The following DIAPH1 variants were observed in gnomAD, a reference collection of about 807,000 sequenced individuals.
DIAPH1 encodes protein diaphanous homolog 1.
A neutral mutation model predicts 140.7 loss-of-function variants in DIAPH1; 46 were observed. That is an observed-to-expected ratio of 0.33 (90% CI 0.26 to 0.42). The LOEUF is 0.42. Ranked by LOEUF, DIAPH1 falls within the 10% of genes least tolerant of loss-of-function variation. DIAPH1 has a pLI of 1.00. For synonymous variants in DIAPH1, 565 were observed against 551.6 expected (o/e 1.02, Z -0.34); for missense variants, 1,310 against 1,558.7 (o/e 0.84, Z 2.69).
Position 141,578,332 on chromosome 5 carries a change from C to T in DIAPH1, c.1056G>A (p.Glu352=). 1 of 1,613,514 alleles carries T rather than the reference C, an allele frequency of 6.2e-7. No homozygotes were observed. Among genetic ancestry groups the T allele is most frequent in the Non-Finnish European group, 8.5e-7 (1 of 1,179,428 alleles). The change falls in exon 11 of 28, where the codon GAG becomes GAA. Residue 352 remains glutamate, a synonymous_variant. Transcript: ENST00000389054. ...GLHQVLQDLR[E]IENEDMRVQL... ...GCACTCTCATATCTTCATTTTCAAT[C>T]TCTCGAAGGTCCTGTCAACAACAAA...
intron 8 of DIAPH1, 21 bp from the exon 9 acceptor site, chr5:141,579,217 G>A (rs755456570): frequency 1.2e-5 from 19 of 1,586,908 alleles, no homozygotes; most frequent in East Asian, 2.2e-5. Context: ...GAAAGGAAAC[G>A]GAGAGAACTT....
chr5:141,611,931 G>A (rs1351625769), intron 1 of DIAPH1, among the ~76,000 whole-genome samples: 2 of 152,148 alleles, frequency 1.3e-5, no homozygotes, highest in African/African-American at 4.8e-5. Flanking sequence ...GCTGGGTGTG[G>A]TGGCAGCCTC....
Position 141,582,359 on chromosome 5 carries a change from T to G in DIAPH1, c.637A>C (p.Asn213His). The change falls in exon 7 of 28, where the codon AAC becomes CAC. Residue 213 changes from asparagine (N) to histidine (H), a missense_variant. Physicochemically the swap from Asn to His is moderately conservative, Grantham distance 68. Coordinates refer to ENST00000389054, the MANE Select transcript of DIAPH1 (RefSeq NM_005219.5). ...EETAGSYDSR[N>H]KHEIIRCLKA... ...AAGCAGCGAATGATCTCATGCTTGT[T>G]CCGGCTATCGTAACTCCTGTATATA... is the stretch of plus-strand genomic sequence containing the variant. The G allele has an allele frequency of 6.2e-7, 1 of 1,613,684 alleles. No homozygotes were observed. Among genetic ancestry groups the G allele is most frequent in the Non-Finnish European group, 8.5e-7 (1 of 1,179,578 alleles).
intron 1 of DIAPH1, among the ~76,000 whole-genome samples, chr5:141,610,513 A>C (rs934865951): frequency 7.9e-5 from 12 of 151,998 alleles, no homozygotes; most frequent in Admixed American, 2.6e-4. Context: ...GTTGGCCAGG[A>C]TGGTCTCGAT....
intron 18 of DIAPH1, among the ~76,000 whole-genome samples, chr5:141,561,604 A>G (rs2099893551): frequency 1.3e-5 from 2 of 152,188 alleles, no homozygotes; most frequent in Non-Finnish European, 2.9e-5. Context: ...ATATAACCAC[A>G]TTATAGAAAA....
In DIAPH1 at chr5:141,516,777, GCC is replaced by G; in HGVS notation, c.*72_*73del. The G allele has an allele frequency of 6.3e-7, 1 of 1,575,728 alleles. No individual in the cohort carries two copies. The highest frequency in any genetic ancestry group is 1.1e-5 in the South Asian group (1 of 89,676). On this transcript the variant is annotated 3_prime_UTR_variant, in exon 28 of 28. Coordinates refer to ENST00000389054, the MANE Select transcript of DIAPH1 (RefSeq NM_005219.5). ...CCACCCCAGAGGAATATCCCCTTGA[GCC>G]TTTAGGCACATGCTGCAGGGCAGGA...
At chr5:141,618,703 C>G in intron 1 of DIAPH1, 95 bp downstream of exon 1, 1 of 836,900 alleles carries the variant, frequency 1.2e-6, no homozygotes, top group Non-Finnish European at 1.9e-6. Context: ...GCGGGGGCGG[C>G]TCCCCAAAGC....
intron 1 of DIAPH1, among the ~76,000 whole-genome samples, chr5:141,613,262 AT>A (rs1255633081): frequency 1.3e-5 from 2 of 152,206 alleles, no homozygotes; most frequent in African/African-American, 2.4e-5. Flanking sequence ...TTAAACAAAT[AT>A]TTAAAGGGCA....
At position 141,573,972 on chromosome 5, in the gene DIAPH1, G is replaced by A. The variant is rs1423486285; in HGVS notation, c.1878C>T (p.Cys626=). 1.9e-6 allele frequency: 3 copies of A among 1,548,414 alleles called. No individual in the cohort carries two copies. The South Asian group carries it at 3.6e-5, about 18-fold the overall frequency. The part of the protein sequence containing the change: ...PPPPPLPGGV[C]ISSPPSLPGG... ...CAGGTAAAGAAGGGGGTGAGGAGAT[G>A]CAAACACCCCCAGGCAAAGGAGGTG... Residue 626 remains cysteine, a synonymous_variant, in exon 16 of 28, where the codon TGC becomes TGT. Coordinates refer to ENST00000389054, the MANE Select transcript of DIAPH1 (RefSeq NM_005219.5).
At chr5:141,585,527 T>C (rs976341011) in intron 3 of DIAPH1, among the ~76,000 whole-genome samples, 3 of 151,860 alleles carry the variant, frequency 2.0e-5, no homozygotes, top group African/African-American at 7.3e-5. Context: ...GAAAAAGAGG[T>C]GCAGTGGCTC....
chr5:141,608,922 T>C (rs2154597281), intron 1 of DIAPH1, among the ~76,000 whole-genome samples: 1 of 152,328 alleles, frequency 6.6e-6, no homozygotes, highest in South Asian at 2.1e-4. Flanking sequence ...TGTAACATTG[T>C]TACCACTACT....
intron 1 of DIAPH1, among the ~76,000 whole-genome samples, chr5:141,612,213 TGAAAACAGTTTG>T (rs1276652619): frequency 1.3e-5 from 2 of 152,210 alleles, no homozygotes; most frequent in African/African-American, 2.4e-5. Context: ...GAATGTAAAA[TGAAAACAGTTTG>T]GAAAACAGTT....
In DIAPH1 at chr5:141,583,554, C is replaced by A. The variant is rs1415334924; in HGVS notation, c.464G>T (p.Gly155Val). The change falls in exon 5 of 28, where the codon GGC (glycine) becomes GTC (valine). Residue 155 changes from glycine to valine, a missense_variant. By Grantham distance (109) the Gly-to-Val change is moderately radical. Coordinates refer to ENST00000389054, the MANE Select transcript of DIAPH1 (RefSeq NM_005219.5). Reference protein sequence around the residue: ...AMMYIQELRSGLRDMPLLSCL... With the variant: ...AMMYIQELRSVLRDMPLLSCL... The stretch of plus-strand genomic sequence containing the variant: ...GCTGAGCAGAGGCATATCCCGCAAG[C>A]CTGACCTCAACTCCTGAATATACAT... 6.2e-7 allele frequency: 1 copy of A among 1,614,206 alleles called. No individual in the cohort carries two copies.
At chr5:141,551,848 C>T (rs915044207) in intron 18 of DIAPH1, among the ~76,000 whole-genome samples, 1 of 152,154 alleles carries the variant, frequency 6.6e-6, no homozygotes, top group Non-Finnish European at 1.5e-5. Flanking sequence ...AGACCATATA[C>T]GTGTTCTTTC....
intron 8 of DIAPH1, among the ~76,000 whole-genome samples, chr5:141,580,407 A>G (rs1401560732): frequency 6.6e-6 from 1 of 152,220 alleles, no homozygotes; most frequent in South Asian, 2.1e-4. Context: ...ATATACTTCT[A>G]TATCGTTTGA....
chr5:141,590,034 T>C (rs1483996306), intron 1 of DIAPH1, among the ~76,000 whole-genome samples: 1 of 152,006 alleles, frequency 6.6e-6, no homozygotes, highest in Admixed American at 6.6e-5. Flanking sequence ...TGCAGGTGCA[T>C]ACCACCGTAC....
At chr5:141,560,755 T>C in intron 18 of DIAPH1, 1 of 420,222 alleles carries the variant, frequency 2.4e-6, no homozygotes, top group Non-Finnish European at 4.8e-6. Context: ...TCTAGAAATA[T>C]TCTGTTTTAT....
intron 1 of DIAPH1, among the ~76,000 whole-genome samples, chr5:141,602,690 A>G (rs2099900353): frequency 6.6e-6 from 1 of 152,234 alleles, no homozygotes. Context: ...AGTACTTTGT[A>G]AAAGTTAAAT....
At chr5:141,556,092 C>G (rs972269029) in intron 18 of DIAPH1, among the ~76,000 whole-genome samples, 2 of 152,174 alleles carry the variant, frequency 1.3e-5, no homozygotes, top group Admixed American at 1.3e-4. Flanking sequence ...TAAGCAAGAA[C>G]TTTCATCTGA....
Sources: allele counts gnomAD v4.1 joint callset (sites outside exome capture counted in the v4.1 genomes callset), GRCh38; gene constraint gnomAD v4.1.1; transcripts MANE v1.5; gene names NCBI Gene and HGNC (gene_info 2026-07-23, HGNC 2026-07-21).